SLC9A9: variants seen among roughly 807,000 people sequenced by gnomAD.
SLC9A9 encodes solute carrier family 9 member A9.
A neutral mutation model predicts 77.8 loss-of-function variants in SLC9A9; 62 were observed. The ratio of observed to expected loss-of-function variants is 0.80; its 90% CI spans 0.65 to 0.98. SLC9A9 has a LOEUF of 0.98. Among genes scored for constraint, SLC9A9 ranks in the 50% least tolerant of loss-of-function variants. SLC9A9 has a pLI of 0.00. For synonymous variants in SLC9A9, 320 were observed against 283.5 expected (o/e 1.13, Z -1.29); for missense variants, 775 against 774.9 (o/e 1.00, Z 0.00).
chr3:143,344,527 A>G (rs562103241), intron 14 of SLC9A9: 41 of 152,332 alleles, frequency 2.7e-4, no homozygotes, highest in African/African-American at 8.9e-4. Flanking sequence ...AAATTTTATG[A>G]TGAGAAAATT....
chr3:143,637,766 G>A (rs2038549845), intron 6 of SLC9A9, among the ~76,000 whole-genome samples: 1 of 152,164 alleles, frequency 6.6e-6, no homozygotes, highest in Admixed American at 6.5e-5. Flanking sequence ...TAAAGAGGTT[G>A]ACTGACTTGC....
intron 4 of SLC9A9, among the ~76,000 whole-genome samples, chr3:143,694,536 C>T (rs62267204): frequency 0.43 from 64,929 of 151,896 alleles, 14,070 homozygotes; most frequent in South Asian, 0.6. Context: ...CTTACCATTT[C>T]TACTTCTACA....
intron 14 of SLC9A9, among the ~76,000 whole-genome samples, chr3:143,342,792 G>T (rs1609727): frequency 0.22 from 32,924 of 152,138 alleles, 3,825 homozygotes; most frequent in Middle Eastern, 0.28. Flanking sequence ...CTCAGGTGGG[G>T]TATGGTGTAT....
chr3:143,555,693 G>A (rs936260488), intron 8 of SLC9A9, among the ~76,000 whole-genome samples: 23 of 152,158 alleles, frequency 1.5e-4, no homozygotes, highest in African/African-American at 4.8e-4. Flanking sequence ...GAGATTTTAC[G>A]AAAAAGATTA....
chr3:143,783,260 T>C (rs1439169842), intron 4 of SLC9A9, among the ~76,000 whole-genome samples: 2 of 152,090 alleles, frequency 1.3e-5, no homozygotes, highest in African/African-American at 4.8e-5. Flanking sequence ...CATTCCATCT[T>C]TATCTCCTAC....
intron 4 of SLC9A9, among the ~76,000 whole-genome samples, chr3:143,719,689 T>C (rs1056540743): frequency 6.6e-5 from 10 of 152,220 alleles, no homozygotes; most frequent in Non-Finnish European, 1.3e-4. Flanking sequence ...TTTAAGAACA[T>C]TTATAATAAA....
chr3:143,280,268 T>G (rs192597318), intron 14 of SLC9A9, among the ~76,000 whole-genome samples: 1 of 152,144 alleles, frequency 6.6e-6, no homozygotes, highest in Non-Finnish European at 1.5e-5. Flanking sequence ...ACAAAATGAA[T>G]ACACACACAC....
rs572709259 is a variant in SLC9A9 at position 143,330,479 on chromosome 3, G to A, written c.1604+33005C>T. 3.7e-4 allele frequency among the ~76,000 whole-genome samples: 57 copies of A among 152,308 alleles called. 1 individual carries two copies. ...GTTTCTCATTAATCTTCATTTAAAT[G>A]TAGACAGCTAAGTGGTTTGGATGTT... On this transcript the variant is annotated intron_variant, in intron 14 of 15. Transcript: ENST00000316549.
chr3:143,277,787 C>T (rs1938096323), intron 14 of SLC9A9, among the ~76,000 whole-genome samples: 1 of 152,184 alleles, frequency 6.6e-6, no homozygotes, highest in Admixed American at 6.5e-5. Context: ...ACTTTGACAA[C>T]AGGCCTTTGA....
At chr3:143,387,039 T>C (rs6440167) in intron 12 of SLC9A9, among the ~76,000 whole-genome samples, 127,440 of 152,128 alleles carry the variant, frequency 0.84, 53,565 homozygotes, top group African/African-American at 0.88. Flanking sequence ...TGGGGTTTTG[T>C]CATATTGCCC....
chr3:143,568,548 C>T (rs564615386), intron 8 of SLC9A9, among the ~76,000 whole-genome samples: 6 of 152,188 alleles, frequency 3.9e-5, no homozygotes, highest in South Asian at 2.1e-4. Context: ...ATTTACTTGA[C>T]GTATGGATCT....
chr3:143,493,569 G>A (rs1470443800), intron 11 of SLC9A9, 84 bp downstream of exon 11: 2 of 1,240,946 alleles, frequency 1.6e-6, no homozygotes, highest in African/African-American at 1.5e-5. Flanking sequence ...TCCCCAAAAG[G>A]GTTCTAAATT....
chr3:143,406,844 C>A (rs370086208), intron 12 of SLC9A9, among the ~76,000 whole-genome samples: 1 of 151,784 alleles, frequency 6.6e-6, no homozygotes, highest in Non-Finnish European at 1.5e-5. Flanking sequence ...GGCATGGTGG[C>A]GCATGCCTGT....
chr3:143,441,508 A>G (rs1048974062), intron 12 of SLC9A9, among the ~76,000 whole-genome samples: 1 of 152,214 alleles, frequency 6.6e-6, no homozygotes, highest in African/African-American at 2.4e-5. Flanking sequence ...TCAAGAACCC[A>G]AGAGTTAGTC....
intron 5 of SLC9A9, among the ~76,000 whole-genome samples, chr3:143,660,178 A>C (rs1407034087): frequency 1.3e-5 from 2 of 152,242 alleles, no homozygotes; most frequent in African/African-American, 2.4e-5. Flanking sequence ...ATCATGTTAC[A>C]TTATGTGGGC....
intron 12 of SLC9A9, among the ~76,000 whole-genome samples, chr3:143,383,482 C>A (rs1316372184): frequency 2.0e-5 from 3 of 152,144 alleles, no homozygotes; most frequent in African/African-American, 7.2e-5. Context: ...GAAAAGGAAG[C>A]TGTAGTGGAA....
At chr3:143,333,141 A>G (rs1450997748) in intron 14 of SLC9A9, among the ~76,000 whole-genome samples, 1 of 152,034 alleles carries the variant, frequency 6.6e-6, no homozygotes, top group Non-Finnish European at 1.5e-5. Context: ...GATTGGCTCA[A>G]ATCCTCACTG....
At chr3:143,460,136 T>C (rs565990787) in intron 12 of SLC9A9, among the ~76,000 whole-genome samples, 1 of 152,274 alleles carries the variant, frequency 6.6e-6, no homozygotes, top group South Asian at 2.1e-4. Context: ...ATAATTCTGG[T>C]GTTAAATTGT....
intron 6 of SLC9A9, among the ~76,000 whole-genome samples, chr3:143,606,880 G>A (rs1468766448): frequency 6.6e-6 from 1 of 151,932 alleles, no homozygotes; most frequent in African/African-American, 2.4e-5. Flanking sequence ...GGTGAGAGAG[G>A]AACTATTCTA....
Sources: allele counts gnomAD v4.1 joint callset (sites outside exome capture counted in the v4.1 genomes callset), GRCh38; gene constraint gnomAD v4.1.1; transcripts MANE v1.5; gene names NCBI Gene and HGNC (gene_info 2026-07-23, HGNC 2026-07-21).